Variants in ENAH observed in about 807,000 individuals in gnomAD.
ENAH encodes the protein protein enabled homolog.
Under a neutral mutation model 78.7 loss-of-function variants are expected in ENAH, and 23 were observed. The observed-to-expected ratio is 0.29, with a 90% CI of 0.21 to 0.41. The LOEUF (loss-of-function observed/expected upper bound fraction) is 0.41, where lower values mean the gene tolerates loss of function less well. Ranked by LOEUF, ENAH falls within the 10% of genes least tolerant of loss-of-function variation. The probability of loss-of-function intolerance (pLI) is 1.00; values close to 1 mark genes in which losing one functional copy is unlikely to be tolerated. For missense variants in ENAH, 544 were observed against 691.0 expected, an observed-to-expected ratio of 0.79 and a Z score of 2.39; for synonymous variants, 226 against 241.0, an observed-to-expected ratio of 0.94 and a Z score of 0.58.
chr1:225,618,831 C>T (rs1656282880), intron 1 of ENAH, among the ~76,000 whole-genome samples: 1 of 152,172 alleles, frequency 6.6e-6, no homozygotes, highest in Admixed American at 6.5e-5. Flanking sequence ...CTACTCTATA[C>T]TAAATTACAT....
chr1:225,552,584 A>G (rs866680626), intron 3 of ENAH, among the ~76,000 whole-genome samples: 1 of 152,296 alleles, frequency 6.6e-6, no homozygotes, highest in East Asian at 1.9e-4. Context: ...TAGCCATTCT[A>G]TATGGTTTTT....
intron 2 of ENAH, among the ~76,000 whole-genome samples, chr1:225,558,993 G>C (rs555589266): frequency 7.6e-4 from 116 of 152,022 alleles, no homozygotes; most frequent in Non-Finnish European, 1.5e-3. Context: ...TGGCTTTAAT[G>C]GCCTATTATT....
chr1:225,554,221 ATC>A (rs2096655392), intron 3 of ENAH, among the ~76,000 whole-genome samples: 1 of 152,168 alleles, frequency 6.6e-6, no homozygotes, highest in Non-Finnish European at 1.5e-5. Flanking sequence ...TGATTATAAA[ATC>A]TCTCTCTTCA....
chr1:225,597,290 T>C (rs894977263), intron 1 of ENAH, among the ~76,000 whole-genome samples: 1 of 151,950 alleles, frequency 6.6e-6, no homozygotes, highest in African/African-American at 2.4e-5. Context: ...TAACCTAAAG[T>C]GGGAGATGTT....
intron 1 of ENAH, among the ~76,000 whole-genome samples, chr1:225,633,379 G>A (rs531923084): frequency 7.9e-5 from 12 of 151,870 alleles, no homozygotes; most frequent in Non-Finnish European, 1.6e-4. Flanking sequence ...TAACACCCCA[G>A]CCCAACTGCC....
At chr1:225,502,756 T>G (rs1174031149) in intron 11 of ENAH, among the ~76,000 whole-genome samples, 3 of 152,202 alleles carry the variant, frequency 2.0e-5, no homozygotes, top group Non-Finnish European at 2.9e-5. Flanking sequence ...CAAGGTCACT[T>G]AAGATTTACT....
chr1:225,604,098 T>C (rs1278916894), intron 1 of ENAH, among the ~76,000 whole-genome samples: 1 of 152,244 alleles, frequency 6.6e-6, no homozygotes, highest in Non-Finnish European at 1.5e-5. Flanking sequence ...AAAGAATCTT[T>C]AATAACACTA....
intron 2 of ENAH, among the ~76,000 whole-genome samples, chr1:225,566,563 T>C (rs1027028985): frequency 8.5e-5 from 13 of 152,198 alleles, no homozygotes; most frequent in African/African-American, 3.1e-4. Context: ...TGGTAAATAT[T>C]TTTTCCCAAA....
intron 11 of ENAH, 136 bp from the exon 12 acceptor site, chr1:225,501,206 T>C: frequency 1.6e-6 from 1 of 625,024 alleles, no homozygotes. Context: ...TAAAAAATTA[T>C]CAAAATTGTA....
intron 1 of ENAH, among the ~76,000 whole-genome samples, chr1:225,627,513 G>A (rs1160272465): frequency 1.3e-5 from 2 of 152,226 alleles, no homozygotes; most frequent in Admixed American, 1.3e-4. Flanking sequence ...AAAGTGGCTC[G>A]AGGCCAGAAT....
intron 1 of ENAH, among the ~76,000 whole-genome samples, chr1:225,619,627 T>G (rs943429596): frequency 6.6e-6 from 1 of 152,110 alleles, no homozygotes; most frequent in South Asian, 2.1e-4. Context: ...AGGATGACTA[T>G]AGAGAGAAAA....
intron 6 of ENAH, among the ~76,000 whole-genome samples, chr1:225,516,523 T>A (rs17560579): frequency 0.043 from 6,532 of 152,122 alleles, 227 homozygotes; most frequent in South Asian, 0.11. Flanking sequence ...GGAAAACAAT[T>A]TAGATCATGT....
chr1:225,590,534 G>A (rs1357238679), intron 1 of ENAH, among the ~76,000 whole-genome samples: 1 of 152,078 alleles, frequency 6.6e-6, no homozygotes, highest in Non-Finnish European at 1.5e-5. Context: ...ATAAACAGCT[G>A]CCTATTATGT....
At chr1:225,567,987 C>T (rs573765727) in intron 1 of ENAH, among the ~76,000 whole-genome samples, 1 of 152,224 alleles carries the variant, frequency 6.6e-6, no homozygotes, top group East Asian at 1.9e-4. Context: ...CGCTAACAAC[C>T]AATGGATGGC....
chr1:225,641,707 T>G (rs1358760959), intron 1 of ENAH, among the ~76,000 whole-genome samples: 2 of 151,316 alleles, frequency 1.3e-5, no homozygotes, highest in African/African-American at 4.9e-5. Context: ...GCCAACATGA[T>G]GAAACCCCAT....
intron 3 of ENAH, among the ~76,000 whole-genome samples, chr1:225,542,841 A>G (rs2096596175): frequency 6.6e-6 from 1 of 152,080 alleles, no homozygotes; most frequent in African/African-American, 2.4e-5. Flanking sequence ...TGTAGTAGCA[A>G]GGCCTCATCT....
chr1:225,646,167 C>CAA (rs200880795), intron 1 of ENAH, among the ~76,000 whole-genome samples: 1,969 of 145,368 alleles, frequency 0.014, 30 homozygotes, highest in African/African-American at 0.041. Flanking sequence ...TATGCACTGA[C>CAA]AAAAAAAAAA....
At chr1:225,582,847 C>T (rs2096825916) in intron 1 of ENAH, among the ~76,000 whole-genome samples, 1 of 152,164 alleles carries the variant, frequency 6.6e-6, no homozygotes, top group African/African-American at 2.4e-5. Context: ...GAGTCTGGGA[C>T]AACTCCCCAC....
At chr1:225,602,798 A>C (rs1271751302) in intron 1 of ENAH, among the ~76,000 whole-genome samples, 1 of 152,158 alleles carries the variant, frequency 6.6e-6, no homozygotes, top group African/African-American at 2.4e-5. Context: ...TGCTGATGAC[A>C]TCATCATCTA....
Sources: gnomAD v4.1 joint callset for allele counts (sites outside exome capture counted in the v4.1 genomes callset) on GRCh38, gnomAD v4.1.1 for gene constraint, MANE v1.5 for transcripts, NCBI Gene and HGNC (gene_info 2026-07-23, HGNC 2026-07-21) for gene names.